COL4A6: variants seen among roughly 807,000 people sequenced by gnomAD.
The protein encoded by COL4A6 is collagen alpha-6(IV) chain.
Under a neutral mutation model 126.7 loss-of-function variants are expected in COL4A6, and 59 were observed. The observed-to-expected ratio is 0.47, with a 90% CI of 0.38 to 0.58. The LOEUF is 0.58. Ranked by LOEUF, COL4A6 falls within the 20% of genes least tolerant of loss-of-function variation. The pLI is 0.00. For missense variants in COL4A6, 1,285 were observed against 1,337.3 expected, an observed-to-expected ratio of 0.96 and a Z score of 0.61; for synonymous variants, 547 against 496.6, an observed-to-expected ratio of 1.10 and a Z score of -1.35.
Position 108,163,041 on chromosome X carries a change from G to C in COL4A6, c.4070-3C>G. ...ATCACCTTGGAGGCCAGAAGAGCCT[G>C]TGGGCAGGTGGGGGAAATAAGAACA... On this transcript the variant is annotated splice_polypyrimidine_tract_variant and splice_region_variant and intron_variant, in intron 40 of 44. Coordinates refer to ENST00000334504, the MANE Select transcript of COL4A6 (RefSeq NM_033641.4). 1 of 1,189,566 alleles carries C rather than the reference G, an allele frequency of 8.4e-7. No homozygotes were observed. The highest frequency in any genetic ancestry group is 1.9e-5 in the South Asian group (1 of 52,786).
intron 2 of COL4A6, among the ~76,000 whole-genome samples, chrX:108,396,638 T>C (rs917930935): frequency 9.0e-6 from 1 of 111,655 alleles, no homozygotes; most frequent in African/African-American, 3.3e-5. Context: ...TAAATAATCA[T>C]TCCACAGGCT....
intron 2 of COL4A6, among the ~76,000 whole-genome samples, chrX:108,341,682 C>T (rs1462021602): frequency 9.0e-6 from 1 of 110,795 alleles, no homozygotes; most frequent in Non-Finnish European, 1.9e-5. Flanking sequence ...ATACACTCCC[C>T]AAGGCAAAAC....
At position 108,223,631 on chromosome X, in the gene COL4A6, G is replaced by A. The variant is rs765824722; in HGVS notation, c.145-2257C>T. On this transcript the variant is annotated intron_variant, in intron 3 of 44. Transcript: ENST00000334504. Reference sequence around the variant, plus strand: ...AAAGCACCGCAGAAAAGTCGAAGTCGTGATGTGGCAGGACACAGGGAACCC... The same window carrying A: ...AAAGCACCGCAGAAAAGTCGAAGTCATGATGTGGCAGGACACAGGGAACCC... Among the ~76,000 whole-genome samples, 11 of 111,688 alleles carry A rather than the reference G, an allele frequency of 9.8e-5. No homozygotes were observed. The South Asian group carries it at 3.0e-3, about 31-fold the overall frequency.
At chrX:108,357,290 C>T (rs2039982108) in intron 2 of COL4A6, among the ~76,000 whole-genome samples, 1 of 111,302 alleles carries the variant, frequency 9.0e-6, no homozygotes, top group Non-Finnish European at 1.9e-5. Context: ...ATGCATGATT[C>T]CCCAAACCTG....
intron 2 of COL4A6, among the ~76,000 whole-genome samples, chrX:108,415,931 G>A (rs1189584785): frequency 1.8e-5 from 2 of 112,240 alleles, no homozygotes; most frequent in African/African-American, 6.5e-5. Flanking sequence ...AGCTGGTGAC[G>A]CTGAATGAAA....
At chrX:108,227,392 C>T (rs776426996) in intron 3 of COL4A6, among the ~76,000 whole-genome samples, 1 of 111,702 alleles carries the variant, frequency 9.0e-6, no homozygotes, top group South Asian at 3.8e-4. Flanking sequence ...TGACTAATGG[C>T]CCATGAAACA....
intron 26 of COL4A6, 89 bp from the exon 27 acceptor site, chrX:108,178,934 C>T (rs2034588518): frequency 1.0e-6 from 1 of 992,692 alleles, no homozygotes; most frequent in South Asian, 2.4e-5. Flanking sequence ...ATCCCAGGTG[C>T]CACTGTCTTC....
intron 2 of COL4A6, among the ~76,000 whole-genome samples, chrX:108,343,175 T>TATATATA (rs1569434569): frequency 5.2e-5 from 5 of 96,125 alleles, no homozygotes; most frequent in African/African-American, 2.0e-4. Context: ...AGTGTGTGTG[T>TATATATA]GTGTGTGTGT....
intron 2 of COL4A6, among the ~76,000 whole-genome samples, chrX:108,333,637 T>C (rs1269999278): frequency 9.0e-6 from 1 of 111,717 alleles, no homozygotes; most frequent in Non-Finnish European, 1.9e-5. Flanking sequence ...TCTGTGTTCA[T>C]TGATGATATG....
At chrX:108,406,804 T>C (rs1244701049) in intron 2 of COL4A6, among the ~76,000 whole-genome samples, 4 of 111,961 alleles carry the variant, frequency 3.6e-5, no homozygotes, top group African/African-American at 1.3e-4. Context: ...TTTTATAATA[T>C]ACTTTGTATA....
intron 3 of COL4A6, among the ~76,000 whole-genome samples, chrX:108,261,064 C>T (rs911829285): frequency 6.3e-5 from 7 of 111,137 alleles, no homozygotes; most frequent in African/African-American, 2.3e-4. Flanking sequence ...AATTAGAAGA[C>T]ATCATTAGCA....
In COL4A6 at chrX:108,174,488, C is replaced by T. The variant is rs772141453; in HGVS notation, c.3090G>A (p.Leu1030=). 1.7e-6 allele frequency: 2 copies of T among 1,211,673 alleles called. No homozygotes were observed. The highest frequency in any genetic ancestry group is 3.0e-5 in the East Asian group (1 of 33,805). The change falls in exon 31 of 45, where the codon CTG becomes CTA. Residue 1030 remains leucine (L), a synonymous_variant. Transcript: ENST00000334504. ...GFMGIRGLPG[L]KGSSGITGFP... is the part of the protein sequence containing the mutation. ...AACCTGTGATCCCAGAGGACCCCTT[C>T]AGGCCAGGTAAGCCCCGGATTCCCA...
At chrX:108,293,460 C>A (rs1011411894) in intron 3 of COL4A6, among the ~76,000 whole-genome samples, 1 of 111,489 alleles carries the variant, frequency 9.0e-6, no homozygotes, top group Admixed American at 9.5e-5. Flanking sequence ...GCCCACCCTG[C>A]CCATGCTTAG....
At chrX:108,164,565 G>A in intron 40 of COL4A6, 35 bp downstream of exon 40, 1 of 1,168,651 alleles carries the variant, frequency 8.6e-7, no homozygotes. Flanking sequence ...CCTCCCTCGA[G>A]CTCTGGATCA....
Position 108,205,677 on chromosome X carries a change from C to A in COL4A6, c.628G>T (p.Gly210Cys), listed in dbSNP as rs755185014. ...ATACTTACATCAGGACCAAGAGGAC[C>A]AGGAGGCCCTGGAGGACCCTAGATT... The part of the protein sequence containing the change: ...PGLQGPPGPP[G>C]PLGPDGNMGL... The change falls in exon 10 of 45, where the codon GGT becomes TGT. Residue 210 changes from glycine (G) to cysteine (C), a missense_variant. Transcript: ENST00000334504. The A allele has an allele frequency of 8.3e-7, 1 of 1,208,339 alleles. No individual in the cohort carries two copies. Among genetic ancestry groups the A allele is most frequent in the Non-Finnish European group, 1.1e-6 (1 of 893,676 alleles).
At chrX:108,201,942 A>G (rs984860408) in intron 13 of COL4A6, among the ~76,000 whole-genome samples, 6 of 111,922 alleles carry the variant, frequency 5.4e-5, no homozygotes, top group African/African-American at 1.9e-4. Flanking sequence ...GAAGGTAGCC[A>G]AGATCTGGTT....
chrX:108,336,022 C>G (rs2039423468), intron 2 of COL4A6, among the ~76,000 whole-genome samples: 1 of 111,673 alleles, frequency 9.0e-6, no homozygotes, highest in Non-Finnish European at 1.9e-5. Flanking sequence ...CAGGATTCAA[C>G]TCAAAGTTGA....
At chrX:108,174,396 G>T (rs748736048) in intron 31 of COL4A6, 44 bp downstream of exon 31, 1 of 1,178,946 alleles carries the variant, frequency 8.5e-7, no homozygotes, top group Non-Finnish European at 1.2e-6. Context: ...CCGTGAGATG[G>T]GGGGCCTTTT....
Position 108,363,572 on chromosome X carries a change from C to T in COL4A6, c.64-52744G>A, listed in dbSNP as rs181624270. Among the ~76,000 whole-genome samples the T allele has an allele frequency of 1.9e-3, 216 of 111,998 alleles. 2 individuals are homozygous for T. Among genetic ancestry groups the T allele is most frequent in the Admixed American group, 2.0e-3 (21 of 10,599 alleles). Reference sequence around the variant, plus strand: ...GGCTTGGAAGTTGGTTGTCCAGACCCCTAAGCACAATTGTTTTTCTTCACA... The same window carrying T: ...GGCTTGGAAGTTGGTTGTCCAGACCTCTAAGCACAATTGTTTTTCTTCACA... On this transcript the variant is annotated intron_variant, in intron 2 of 44. Transcript: ENST00000334504.
Sources: gnomAD v4.1 joint callset for allele counts (sites outside exome capture counted in the v4.1 genomes callset) on GRCh38, gnomAD v4.1.1 for gene constraint, MANE v1.5 for transcripts, NCBI Gene and HGNC (gene_info 2026-07-23, HGNC 2026-07-21) for gene names.